The following PSME3IP1 variants were observed in gnomAD, a reference collection of about 807,000 sequenced individuals.
The protein encoded by PSME3IP1 is proteasome activator subunit 3 interacting protein 1, also known as PSME3-interacting protein.
Under a neutral mutation model 34.1 loss-of-function variants are expected in PSME3IP1, and 13 were observed. The ratio of observed to expected loss-of-function variants is 0.38; its 90% CI spans 0.25 to 0.61. PSME3IP1 has a LOEUF of 0.61. PSME3IP1 is among the 20% of genes least tolerant of loss of function. The pLI is 0.60. For synonymous variants in PSME3IP1, 93 were observed against 114.3 expected (o/e 0.81, Z 1.19); for missense variants, 237 against 301.4 (o/e 0.79, Z 1.58).
At chr16:57,158,833 T>G (rs1041754407) in intron 6 of PSME3IP1, among the ~76,000 whole-genome samples, 1 of 152,232 alleles carries the variant, frequency 6.6e-6, no homozygotes, top group African/African-American at 2.4e-5. Flanking sequence ...CCACATGGTA[T>G]ATAGCCTATT....
At chr16:57,172,394 G>C (rs1477498199) in intron 3 of PSME3IP1, 22 bp from the exon 4 acceptor site, 2 of 1,610,654 alleles carry the variant, frequency 1.2e-6, no homozygotes, top group African/African-American at 2.7e-5. Flanking sequence ...ATTAAACAAG[G>C]CACACTTAGC....
intron 5 of PSME3IP1, among the ~76,000 whole-genome samples, chr16:57,165,719 A>C (rs1372084799): frequency 2.0e-5 from 3 of 152,202 alleles, no homozygotes; most frequent in African/African-American, 7.2e-5. Context: ...ACAGATTAGG[A>C]ACTCCTGCCC....
intron 4 of PSME3IP1, among the ~76,000 whole-genome samples, chr16:57,168,700 G>A (rs891840370): frequency 2.6e-5 from 4 of 151,104 alleles, no homozygotes; most frequent in Non-Finnish European, 2.9e-5. Flanking sequence ...CTAGTCGGGA[G>A]GCTGAGCCAG....
chr16:57,159,500 T>A (rs924371544), intron 6 of PSME3IP1, among the ~76,000 whole-genome samples: 2 of 152,196 alleles, frequency 1.3e-5, no homozygotes, highest in Admixed American at 6.5e-5. Context: ...GCTCAGTGCT[T>A]AAGTTCAAAA....
intron 6 of PSME3IP1, among the ~76,000 whole-genome samples, chr16:57,163,775 C>T (rs1354166587): frequency 6.6e-6 from 1 of 152,190 alleles, no homozygotes; most frequent in African/African-American, 2.4e-5. Context: ...TGATCAGTTT[C>T]ACTGGTTTCT....
intron 6 of PSME3IP1, among the ~76,000 whole-genome samples, chr16:57,155,418 T>C (rs1238989798): frequency 1.3e-5 from 2 of 151,796 alleles, no homozygotes; most frequent in East Asian, 3.9e-4. Context: ...AGGTCAGGAG[T>C]TTAAGACCAG....
At chr16:57,174,342 A>C (rs2072971023) in intron 1 of PSME3IP1, 1 of 650,006 alleles carries the variant, frequency 1.5e-6, no homozygotes, top group South Asian at 6.8e-5. Flanking sequence ...CCATTGATGA[A>C]AGCACATGAA....
At chr16:57,159,039 G>A (rs1459199297) in intron 6 of PSME3IP1, among the ~76,000 whole-genome samples, 1 of 152,196 alleles carries the variant, frequency 6.6e-6, no homozygotes, top group African/African-American at 2.4e-5. Flanking sequence ...TGTGGCACAT[G>A]ACCATATTTC....
Position 57,154,374 on chromosome 16 carries a change from G to A in PSME3IP1, c.681C>T (p.Ser227=). The change falls in exon 7 of 7, where the codon AGC becomes AGT. Residue 227 remains serine (S), a synonymous_variant. Transcript: ENST00000309137. This position sits in a 1 kb window ranked among gnomAD's most constrained non-coding sequence, Gnocchi z 4.0. ...CATTGATGGTGCCTTCGCTGTCTGA[G>A]CTGGACTCGGAGTCGCTGCTCCCAG... The part of the protein sequence containing the change: ...AYSGSSDSES[S]SDSEGTINAT... 1 of 1,614,128 alleles carries A rather than the reference G, an allele frequency of 6.2e-7. No individual in the cohort carries two copies.
Position 57,167,011 on chromosome 16 carries a change from C to T in PSME3IP1, c.482+82G>A, listed in dbSNP as rs115324906. The stretch of plus-strand genomic sequence containing the variant: ...TTCACCAGGACTCACGCGAGGCAAG[C>T]GTTGGCTCTGGCTTCCATTACAAGT... On this transcript the variant is annotated intron_variant, in intron 5 of 6. Transcript: ENST00000309137. 1,759 of 1,531,066 alleles carry T rather than the reference C, an allele frequency of 1.1e-3. 16 individuals are homozygous for T. The African/African-American group carries it at 0.02, about 17-fold the overall frequency. 94.8% of individuals were successfully genotyped at this position (1,531,066 alleles called of 1,614,324 possible).
intron 1 of PSME3IP1, chr16:57,178,769 T>A (rs946675817): frequency 7.1e-6 from 7 of 985,432 alleles, no homozygotes; most frequent in Non-Finnish European, 7.2e-6. Context: ...TAATTTCAAC[T>A]GATTAAAAAT....
intron 1 of PSME3IP1, among the ~76,000 whole-genome samples, chr16:57,177,670 A>G (rs1222080656): frequency 6.6e-6 from 1 of 152,234 alleles, no homozygotes; most frequent in Non-Finnish European, 1.5e-5. Context: ...ACACAGTCAC[A>G]CTGTCAAAAC....
intron 1 of PSME3IP1, among the ~76,000 whole-genome samples, chr16:57,180,044 G>C (rs1324416322): frequency 5.3e-5 from 8 of 152,150 alleles, no homozygotes; most frequent in South Asian, 2.1e-4. Context: ...TACTAACAGA[G>C]AGCCCGCTGT....
intron 2 of PSME3IP1, 87 bp from the exon 3 acceptor site, chr16:57,172,961 G>C: frequency 1.1e-6 from 1 of 901,218 alleles, no homozygotes; most frequent in Non-Finnish European, 1.8e-6. Context: ...AATCACAAAA[G>C]GTTTTAAAGA....
intron 1 of PSME3IP1, among the ~76,000 whole-genome samples, chr16:57,179,266 G>A (rs1162663461): frequency 6.6e-6 from 1 of 152,170 alleles, no homozygotes; most frequent in Non-Finnish European, 1.5e-5. Flanking sequence ...GGAATTCATG[G>A]AAAACTAAAA....
At chr16:57,171,845 A>T (rs1018129999) in intron 4 of PSME3IP1, among the ~76,000 whole-genome samples, 1 of 152,220 alleles carries the variant, frequency 6.6e-6, no homozygotes, top group Non-Finnish European at 1.5e-5. Context: ...CTGCTTTCTC[A>T]GCCCTTCTAT....
intron 4 of PSME3IP1, among the ~76,000 whole-genome samples, chr16:57,168,665 T>A (rs1459753439): frequency 1.3e-5 from 2 of 151,616 alleles, no homozygotes; most frequent in African/African-American, 4.9e-5. Flanking sequence ...TAGCTGGGTG[T>A]GGTGGCACAT....
At chr16:57,178,932 T>A (rs2073441101) in intron 1 of PSME3IP1, 5 of 347,550 alleles carry the variant, frequency 1.4e-5, no homozygotes, top group Non-Finnish European at 2.0e-5. Context: ...TTAGATTGTG[T>A]TGACTTCTAA....
At chr16:57,170,464 G>A (rs963915808) in intron 4 of PSME3IP1, among the ~76,000 whole-genome samples, 6 of 152,136 alleles carry the variant, frequency 3.9e-5, no homozygotes, top group African/African-American at 9.7e-5. Flanking sequence ...CAGTAATGTC[G>A]TCCATCTTAG....
Sources: allele counts gnomAD v4.1 joint callset (sites outside exome capture counted in the v4.1 genomes callset), GRCh38; gene constraint gnomAD v4.1.1; non-coding constraint Gnocchi (gnomAD v3.1); transcripts MANE v1.5; gene names NCBI Gene and HGNC (gene_info 2026-07-23, HGNC 2026-07-21).